The following FOXP1 variants were observed in gnomAD, a reference collection of about 807,000 sequenced individuals.
FOXP1 encodes the protein forkhead box protein P1.
A neutral mutation model predicts 98.2 loss-of-function variants in FOXP1; 15 were observed. That is an observed-to-expected ratio of 0.15 (90% CI 0.10 to 0.24). The LOEUF (loss-of-function observed/expected upper bound fraction) is 0.24, where lower values mean the gene tolerates loss of function less well. FOXP1 is among the 10% of genes least tolerant of loss of function. The pLI, the probability that FOXP1 is intolerant of heterozygous loss-of-function variation, is 1.00. For missense variants in FOXP1, 633 were observed against 848.5 expected (o/e 0.75, Z 3.15); for synonymous variants, 371 against 314.5 (o/e 1.18, Z -1.90).
At chr3:70,969,907 G>T (rs962844158) in intron 19 of FOXP1, 3 of 152,232 alleles carry the variant, frequency 2.0e-5, no homozygotes, top group Admixed American at 6.5e-5. Context: ...AAAGGATACT[G>T]CTTACTTATG....
chr3:71,040,721 G>C (rs2048228346), intron 11 of FOXP1, among the ~76,000 whole-genome samples: 1 of 152,116 alleles, frequency 6.6e-6, no homozygotes, highest in Non-Finnish European at 1.5e-5. Context: ...ACAATGAAGA[G>C]AAAGTGTGCT....
chr3:70,995,632 T>C (rs531504751), intron 13 of FOXP1, among the ~76,000 whole-genome samples: 43 of 152,340 alleles, frequency 2.8e-4, no homozygotes, highest in African/African-American at 8.2e-4. Context: ...TTTACACTTT[T>C]AGATCCCAGT....
chr3:70,966,269 G>C (rs987184472), intron 19 of FOXP1: 5 of 585,832 alleles, frequency 8.5e-6, no homozygotes, highest in African/African-American at 7.4e-5. Flanking sequence ...GGGGGCCAGG[G>C]GGGACCAAGT....
intron 5 of FOXP1, among the ~76,000 whole-genome samples, chr3:71,203,072 C>A (rs1228121032): frequency 1.3e-5 from 2 of 152,120 alleles, no homozygotes; most frequent in Non-Finnish European, 2.9e-5. Flanking sequence ...ATACAAAGTG[C>A]CTGAATACAA....
At chr3:71,482,372 T>TA in intron 3 of FOXP1, among the ~76,000 whole-genome samples, 1 of 148,144 alleles carries the variant, frequency 6.8e-6, no homozygotes, top group East Asian at 2.0e-4. Context: ...ATAACCTTTT[T>TA]TTTTTTTTTT....
chr3:71,259,639 A>C (rs767142623), intron 5 of FOXP1, among the ~76,000 whole-genome samples: 1 of 152,242 alleles, frequency 6.6e-6, no homozygotes, highest in Non-Finnish European at 1.5e-5. Flanking sequence ...GTTTGTGATG[A>C]GTAATGATAA....
intron 5 of FOXP1, among the ~76,000 whole-genome samples, chr3:71,247,384 G>A (rs2067833321): frequency 6.6e-6 from 1 of 152,168 alleles, no homozygotes. Flanking sequence ...AAACGACAAT[G>A]GGACAAGTGC....
In FOXP1 at chr3:71,581,585, C is replaced by T; in HGVS notation, c.-334G>A. On this transcript the variant is annotated 5_prime_UTR_variant, in exon 2 of 21. An upstream open reading frame in the 5' UTR loses its in-frame stop. Transcript: ENST00000649528. ...GGGGAGGGAGTAGGAGCGCCGCCTT[C>T]ACGCCCGCGGAGGAGGCGCCGGCAG... 1 of 985,574 alleles carries T rather than the reference C, an allele frequency of 1.0e-6. No homozygotes were observed. Among genetic ancestry groups the T allele is most frequent in the Non-Finnish European group, 1.2e-6 (1 of 830,018 alleles). 61.1% of individuals were successfully genotyped at this position (985,574 alleles called of 1,614,324 possible). A position where few individuals can be genotyped will look rare whatever the true frequency, so the allele number is the denominator to read the frequency against.
At chr3:71,062,629 AAC>A (rs1437002801) in intron 7 of FOXP1, among the ~76,000 whole-genome samples, 1 of 152,224 alleles carries the variant, frequency 6.6e-6, no homozygotes, top group Non-Finnish European at 1.5e-5. Context: ...AATGTTTAAT[AAC>A]ACAACACAAA....
chr3:71,414,947 T>C (rs917835088), intron 3 of FOXP1, among the ~76,000 whole-genome samples: 1 of 152,242 alleles, frequency 6.6e-6, no homozygotes, highest in Non-Finnish European at 1.5e-5. Flanking sequence ...TTCAAAATAC[T>C]GCATTTTCCC....
intron 5 of FOXP1, among the ~76,000 whole-genome samples, chr3:71,231,404 A>C (rs890747060): frequency 3.3e-5 from 5 of 152,204 alleles, no homozygotes; most frequent in African/African-American, 1.2e-4. Flanking sequence ...GCTACAAATA[A>C]GACAGAACCA....
At chr3:71,544,018 C>CAT (rs1310916428) in intron 2 of FOXP1, among the ~76,000 whole-genome samples, 27 of 110,716 alleles carry the variant, frequency 2.4e-4, no homozygotes, top group South Asian at 1.5e-3. Flanking sequence ...TGTGTATACA[C>CAT]ACATATACAC....
chr3:71,110,638 T>A (rs531752327), intron 7 of FOXP1, among the ~76,000 whole-genome samples: 3 of 152,224 alleles, frequency 2.0e-5, no homozygotes, highest in Non-Finnish European at 4.4e-5. Flanking sequence ...GTACCAACAA[T>A]TGGCTATGTT....
rs2065635020 is a variant in FOXP1, at chr3:71,224,025, A to C, written c.-11-25633T>G. Among the ~76,000 whole-genome samples, 3 of 152,208 alleles carry C rather than the reference A, an allele frequency of 2.0e-5. No homozygotes were observed. In the South Asian group the frequency reaches 6.2e-4, roughly 32 times the overall value. On this transcript the variant is annotated intron_variant, in intron 5 of 20. Transcript: ENST00000649528. ...TTCCTCCTCATAGACTAAGGAGGTG[A>C]TCAAAGAAGAAGAAGTTGGAGATTC...
chr3:70,969,395 A>T (rs1388928045), intron 19 of FOXP1: 2 of 152,188 alleles, frequency 1.3e-5, no homozygotes, highest in African/African-American at 4.8e-5. Flanking sequence ...AATAAATATA[A>T]TTACTGAAAT....
rs957209721 is a variant in FOXP1 at position 71,186,682 on chromosome 3, G to A, written c.180+11520C>T. Among the ~76,000 whole-genome samples the A allele has an allele frequency of 2.0e-5, 3 of 152,338 alleles. 1 individual carries two copies. In the South Asian group the frequency reaches 6.2e-4, roughly 32 times the overall value. On this transcript the variant is annotated intron_variant, in intron 6 of 20. Coordinates refer to ENST00000649528, the MANE Select transcript of FOXP1 (RefSeq NM_001349338.3). ...GCTGAGACAGGGCCACTGTACTCCA[G>A]CCTGGCAACAGAGCAAGACTCCGTC...
At chr3:71,281,241 TAAAAAA>T (rs34268092) in intron 5 of FOXP1, among the ~76,000 whole-genome samples, 1 of 128,604 alleles carries the variant, frequency 7.8e-6, no homozygotes, top group Non-Finnish European at 1.7e-5. Flanking sequence ...ATAAAAATTT[TAAAAAA>T]AAAAAGAAAA....
intron 3 of FOXP1, among the ~76,000 whole-genome samples, chr3:71,366,477 T>C (rs1360290045): frequency 2.6e-5 from 4 of 152,176 alleles, no homozygotes; most frequent in African/African-American, 4.8e-5. Flanking sequence ...TAAAAATATG[T>C]GTCAATGAAG....
intron 3 of FOXP1, among the ~76,000 whole-genome samples, chr3:71,443,796 T>G (rs1577544660): frequency 6.6e-6 from 1 of 152,370 alleles, no homozygotes; most frequent in South Asian, 2.1e-4. Context: ...TGGAGGCTAT[T>G]TCTCAGCTGA....
Sources: allele counts gnomAD v4.1 joint callset (sites outside exome capture counted in the v4.1 genomes callset), GRCh38; gene constraint gnomAD v4.1.1; transcripts MANE v1.5; gene names NCBI Gene and HGNC (gene_info 2026-07-23, HGNC 2026-07-21).